The following GRID2 variants were observed in gnomAD, a reference collection of about 807,000 sequenced individuals.
GRID2 encodes glutamate receptor ionotropic, delta-2.
In GRID2, 33 loss-of-function variants were observed where a neutral mutation model predicts 114.8. That is an observed-to-expected ratio of 0.29 (90% CI 0.22 to 0.38). The LOEUF is 0.38. GRID2 is among the 10% of genes least tolerant of loss of function. The probability of loss-of-function intolerance (pLI) is 1.00; values close to 1 mark genes in which losing one functional copy is unlikely to be tolerated. For synonymous variants in GRID2, 505 were observed against 449.9 expected (o/e 1.12, Z -1.55); for missense variants, 1,184 against 1,257.7 (o/e 0.94, Z 0.89).
chr4:93,099,122 T>C (rs1731483355), intron 3 of GRID2, among the ~76,000 whole-genome samples: 1 of 151,780 alleles, frequency 6.6e-6, no homozygotes, highest in Non-Finnish European at 1.5e-5. Context: ...GTCAAGTATA[T>C]GGAGGGCTCT....
At chr4:92,642,213 A>C (rs915263633) in intron 2 of GRID2, among the ~76,000 whole-genome samples, 15 of 151,714 alleles carry the variant, frequency 9.9e-5, no homozygotes, top group African/African-American at 3.6e-4. Flanking sequence ...TCTTTGAGAA[A>C]TCTCCAAATT....
chr4:93,173,585 A>G (rs989051242), intron 4 of GRID2, among the ~76,000 whole-genome samples: 10 of 152,178 alleles, frequency 6.6e-5, no homozygotes, highest in Non-Finnish European at 1.5e-4. Context: ...AAACACAACC[A>G]ACTTATTATC....
chr4:92,790,059 G>A lies in GRID2; in HGVS notation c.244+199773G>A, dbSNP rs111517027. On this transcript the variant is annotated intron_variant, in intron 2 of 15. Coordinates refer to ENST00000282020, the MANE Select transcript of GRID2 (RefSeq NM_001510.4). ...ATTTTCTATGTTATTTTTAGCATCT[G>A]CACTAGAGTAACCTAGCTTTAGTAC... 2.0e-5 allele frequency among the ~76,000 whole-genome samples: 3 copies of A among 151,914 alleles called. No homozygotes were observed. The East Asian group carries it at 5.9e-4, about 30-fold the overall frequency.
chr4:93,797,912 G>A (rs1385052627), intron 1 of GRID2, among the ~76,000 whole-genome samples: 1 of 151,462 alleles, frequency 6.6e-6, no homozygotes, highest in Admixed American at 6.6e-5. Flanking sequence ...CAGTACTTTG[G>A]GAGGCCGAGC....
intron 2 of GRID2, among the ~76,000 whole-genome samples, chr4:93,009,968 C>T (rs532616112): frequency 1.3e-5 from 2 of 151,998 alleles, no homozygotes; most frequent in South Asian, 4.2e-4. Flanking sequence ...TCTTTCTGTC[C>T]ATAAGTAATG....
chr4:93,329,079 G>T (rs1189043040), intron 8 of GRID2, among the ~76,000 whole-genome samples: 1 of 152,098 alleles, frequency 6.6e-6, no homozygotes, highest in African/African-American at 2.4e-5. Context: ...CCACCAAAGG[G>T]AATATGAAGC....
At chr4:93,534,875 A>G (rs918075237) in intron 13 of GRID2, among the ~76,000 whole-genome samples, 2 of 147,474 alleles carry the variant, frequency 1.4e-5, no homozygotes, top group Admixed American at 1.4e-4. Context: ...AAGAACACTT[A>G]AGATCTACTC....
intron 2 of GRID2, among the ~76,000 whole-genome samples, chr4:93,017,521 T>C (rs1170341393): frequency 6.6e-6 from 1 of 151,342 alleles, no homozygotes; most frequent in Non-Finnish European, 1.5e-5. Flanking sequence ...ACCTGAGTTC[T>C]ATATATATAT....
At chr4:92,889,081 T>A (rs950026797) in intron 2 of GRID2, among the ~76,000 whole-genome samples, 4 of 152,164 alleles carry the variant, frequency 2.6e-5, no homozygotes, top group Admixed American at 2.6e-4. Context: ...ATGGCCTGAA[T>A]AGATTCTTTG....
At chr4:93,438,825 C>T (rs1721347090) in intron 10 of GRID2, among the ~76,000 whole-genome samples, 1 of 151,860 alleles carries the variant, frequency 6.6e-6, no homozygotes, top group African/African-American at 2.4e-5. Context: ...AATGCTATCC[C>T]TCCCCCCATC....
At chr4:92,681,118 T>TA (rs1560529284) in intron 2 of GRID2, among the ~76,000 whole-genome samples, 1 of 152,160 alleles carries the variant, frequency 6.6e-6, no homozygotes, top group African/African-American at 2.4e-5. Context: ...GGATTATTGA[T>TA]ACTGTACATT....
chr4:92,452,954 G>C (rs1721015609), intron 1 of GRID2, among the ~76,000 whole-genome samples: 1 of 151,096 alleles, frequency 6.6e-6, no homozygotes, highest in Non-Finnish European at 1.5e-5. Context: ...GTGTGTGTGT[G>C]TGTGTGTGTG....
In GRID2 at chr4:93,052,192, G is replaced by C. The variant is rs918032841; in HGVS notation, c.245-32803G>C. Among the ~76,000 whole-genome samples the C allele has an allele frequency of 3.3e-5, 5 of 151,934 alleles. No homozygotes were observed. In the East Asian group the frequency reaches 9.7e-4, roughly 29 times the overall value. On this transcript the variant is annotated intron_variant, in intron 2 of 15. Coordinates refer to ENST00000282020, the MANE Select transcript of GRID2 (RefSeq NM_001510.4). ...AAAATATAAAAATAGTTAAAAACAT[G>C]AAAAATTACTGTGATGATGGAACTT...
At position 93,329,309 on chromosome 4, in the gene GRID2, A is replaced by G. The variant is rs551723528; in HGVS notation, c.1246-66298A>G. 2.6e-5 allele frequency among the ~76,000 whole-genome samples: 4 copies of G among 152,272 alleles called. No individual in the cohort carries two copies. In the South Asian group the frequency reaches 6.2e-4, roughly 24 times the overall value. ...ATTTGTCGCTATACTAAATATTAATACATTGAATTTATATCAGTAAACACC... is the reference window on the plus strand; with the variant it reads ...ATTTGTCGCTATACTAAATATTAATGCATTGAATTTATATCAGTAAACACC... On this transcript the variant is annotated intron_variant, in intron 8 of 15. Coordinates refer to ENST00000282020, the MANE Select transcript of GRID2 (RefSeq NM_001510.4).
At chr4:93,379,902 G>T (rs1315378105) in intron 8 of GRID2, among the ~76,000 whole-genome samples, 1 of 151,980 alleles carries the variant, frequency 6.6e-6, no homozygotes, top group African/African-American at 2.4e-5. Context: ...ATTGGATTTG[G>T]ATCCCATAAA....
At chr4:92,316,993 C>T (rs1726019940) in intron 1 of GRID2, among the ~76,000 whole-genome samples, 1 of 152,052 alleles carries the variant, frequency 6.6e-6, no homozygotes, top group Non-Finnish European at 1.5e-5. Flanking sequence ...AATTCTCATG[C>T]AAGCTTAAGT....
chr4:93,338,332 G>A (rs1407983011), intron 8 of GRID2, among the ~76,000 whole-genome samples: 5 of 151,974 alleles, frequency 3.3e-5, no homozygotes, highest in South Asian at 2.1e-4. Flanking sequence ...CCTTATATGC[G>A]GTGCAGGATG....
At chr4:93,714,367 T>A (rs1292461026) in intron 14 of GRID2, among the ~76,000 whole-genome samples, 8 of 152,196 alleles carry the variant, frequency 5.3e-5, no homozygotes, top group Admixed American at 5.2e-4. Context: ...TGACTCCATG[T>A]CTTTGCTATT....
chr4:92,502,695 C>A (rs1723743143), intron 1 of GRID2, among the ~76,000 whole-genome samples: 1 of 143,868 alleles, frequency 7.0e-6, no homozygotes, highest in Admixed American at 7.1e-5. Flanking sequence ...GAACTAATGC[C>A]ATGTGATTTC....
Sources: allele counts gnomAD v4.1 joint callset (sites outside exome capture counted in the v4.1 genomes callset), GRCh38; gene constraint gnomAD v4.1.1; transcripts MANE v1.5; gene names NCBI Gene and HGNC (gene_info 2026-07-23, HGNC 2026-07-21).